NOS1AP: variants seen among roughly 807,000 people sequenced by gnomAD.
The protein encoded by NOS1AP is nitric oxide synthase 1 adaptor protein.
In NOS1AP, 21 loss-of-function variants were observed where a neutral mutation model predicts 56.2. The observed-to-expected ratio is 0.37, with a 90% CI of 0.26 to 0.54. The LOEUF (loss-of-function observed/expected upper bound fraction) is 0.54. NOS1AP is among the 20% of genes least tolerant of loss of function. NOS1AP has a pLI of 0.84. For missense variants in NOS1AP, 522 were observed against 657.8 expected (o/e 0.79, Z 2.26); for synonymous variants, 270 against 274.6 (o/e 0.98, Z 0.17).
At position 162,256,812 on chromosome 1, in the gene NOS1AP, G is replaced by A. The variant is rs141004370; in HGVS notation, c.178-30532G>A. On this transcript the variant is annotated intron_variant, in intron 2 of 9. Transcript: ENST00000361897. ...ATCTGAGTTTTGAAATGCCAGGGAC[G>A]CCTTTTTTTTGTTTATTTCTGGTCA... Among the ~76,000 whole-genome samples the A allele has an allele frequency of 1.6e-3, 240 of 152,238 alleles. 1 individual carries two copies. Among genetic ancestry groups the A allele is most frequent in the Non-Finnish European group, 2.5e-3 (168 of 68,012 alleles).
chr1:162,170,007 G>A (rs758141128), intron 2 of NOS1AP, among the ~76,000 whole-genome samples: 3 of 152,052 alleles, frequency 2.0e-5, no homozygotes, highest in African/African-American at 4.8e-5. Context: ...CCTTTGCTAC[G>A]AAATCTTCCC....
At chr1:162,228,988 G>T (rs1366568819) in intron 2 of NOS1AP, among the ~76,000 whole-genome samples, 1 of 152,182 alleles carries the variant, frequency 6.6e-6, no homozygotes, top group Non-Finnish European at 1.5e-5. Context: ...GGAGAAATTT[G>T]CCAGAGAACT....
chr1:162,366,077 C>T (rs1269237371), intron 9 of NOS1AP, among the ~76,000 whole-genome samples: 4 of 152,174 alleles, frequency 2.6e-5, no homozygotes, highest in African/African-American at 9.7e-5. Flanking sequence ...TGGAATCTGG[C>T]TGCACTGCTC....
chr1:162,311,133 C>G (rs1295982724), intron 4 of NOS1AP, among the ~76,000 whole-genome samples: 3 of 152,118 alleles, frequency 2.0e-5, no homozygotes, highest in Non-Finnish European at 4.4e-5. Context: ...TCCTCATGGC[C>G]TGGCCTTGCT....
intron 1 of NOS1AP, among the ~76,000 whole-genome samples, chr1:162,145,930 C>T (rs1649447545): frequency 6.6e-6 from 1 of 152,164 alleles, no homozygotes; most frequent in South Asian, 2.1e-4. Context: ...AGACTAGAAG[C>T]CAGGAGCTTG....
Position 162,155,304 on chromosome 1 carries a change from G to A in NOS1AP, c.177+828G>A, listed in dbSNP as rs536056426. Among the ~76,000 whole-genome samples the A allele has an allele frequency of 1.3e-4, 18 of 143,168 alleles. 2 individuals are homozygous for A. The East Asian group carries it at 1.8e-3, about 15-fold the overall frequency. The allele number at this position is 143,168 out of a possible 152,430, so 93.9% of individuals were successfully genotyped here. A position where few individuals can be genotyped will look rare whatever the true frequency, so the allele number is the denominator to read the frequency against. On this transcript the variant is annotated intron_variant, in intron 2 of 9. Coordinates refer to ENST00000361897, the MANE Select transcript of NOS1AP (RefSeq NM_014697.3). ...CACATATATACATATATATGTATAT[G>A]TATGTGTATATATATATGTATGTGT...
intron 4 of NOS1AP, among the ~76,000 whole-genome samples, chr1:162,324,388 G>A: frequency 7.8e-6 from 1 of 128,926 alleles, no homozygotes; most frequent in Non-Finnish European, 1.7e-5. Context: ...AAGGATTTTT[G>A]TGTAGTGGTT....
chr1:162,134,433 C>A (rs1648891333), intron 1 of NOS1AP, among the ~76,000 whole-genome samples: 1 of 144,310 alleles, frequency 6.9e-6, no homozygotes, highest in Admixed American at 7.2e-5. Flanking sequence ...TTGTACTGAG[C>A]TGAGATCACA....
intron 2 of NOS1AP, among the ~76,000 whole-genome samples, chr1:162,248,801 G>A (rs1423763216): frequency 6.6e-6 from 1 of 152,062 alleles, no homozygotes; most frequent in African/African-American, 2.4e-5. Context: ...ATTTCCTTTG[G>A]AGATTAGAGG....
chr1:162,271,276 G>GA (rs1654576622), intron 2 of NOS1AP, among the ~76,000 whole-genome samples: 2 of 147,568 alleles, frequency 1.4e-5, no homozygotes, highest in Admixed American at 1.4e-4. Context: ...GGAGTCCAGC[G>GA]ATGGTACCCC....
At chr1:162,095,003 G>A (rs1444522779) in intron 1 of NOS1AP, among the ~76,000 whole-genome samples, 2 of 152,206 alleles carry the variant, frequency 1.3e-5, no homozygotes, top group African/African-American at 4.8e-5. Context: ...TATGGGTTCT[G>A]CAGGGATTTT....
intron 1 of NOS1AP, among the ~76,000 whole-genome samples, chr1:162,149,115 C>T (rs1649599511): frequency 6.6e-6 from 1 of 152,320 alleles, no homozygotes; most frequent in East Asian, 1.9e-4. Flanking sequence ...GCCAACCCAG[C>T]TCCATTGCCC....
At chr1:162,323,213 G>A (rs924685301) in intron 4 of NOS1AP, among the ~76,000 whole-genome samples, 14 of 152,218 alleles carry the variant, frequency 9.2e-5, no homozygotes, top group Non-Finnish European at 1.6e-4. Context: ...GGAAGGCAGC[G>A]GGAGCAGACT....
Position 162,354,832 on chromosome 1 carries a change from A to G in NOS1AP, c.596-355A>G, listed in dbSNP as rs139112565. Among the ~76,000 whole-genome samples the G allele has an allele frequency of 7.8e-3, 1,188 of 152,340 alleles. 6 individuals are homozygous for G. The highest frequency in any genetic ancestry group is 0.027 in the Middle Eastern group (8 of 294). On this transcript the variant is annotated intron_variant, in intron 6 of 9. Transcript: ENST00000361897. ...CTCCTCATTTCTGGACCCCCGGGCC[A>G]GGGCCCTTTCCCTTGACTGCTTCCG...
At chr1:162,311,249 A>G (rs1191369518) in intron 4 of NOS1AP, among the ~76,000 whole-genome samples, 1 of 152,172 alleles carries the variant, frequency 6.6e-6, no homozygotes, top group Non-Finnish European at 1.5e-5. Flanking sequence ...GTTGCCCTGC[A>G]GTATCATCTA....
intron 2 of NOS1AP, among the ~76,000 whole-genome samples, chr1:162,286,953 C>A (rs1466919633): frequency 6.6e-6 from 1 of 152,138 alleles, no homozygotes; most frequent in Non-Finnish European, 1.5e-5. Flanking sequence ...AGCTGTTAGT[C>A]TTTGCTGAGG....
Position 162,167,686 on chromosome 1 carries a change from C to T in NOS1AP, c.177+13210C>T, listed in dbSNP as rs116269263. Among the ~76,000 whole-genome samples, 238 of 152,334 alleles carry T rather than the reference C, an allele frequency of 1.6e-3. 1 individual carries two copies. The highest frequency in any genetic ancestry group is 2.5e-3 in the Non-Finnish European group (167 of 68,036). On this transcript the variant is annotated intron_variant, in intron 2 of 9. Transcript: ENST00000361897. ...CTATCTGAGGGGGTCTCTCCCGAGC[C>T]GCTAAGACATAGTCCTCATTCATAT...
chr1:162,245,148 C>T (rs1653621049), intron 2 of NOS1AP, among the ~76,000 whole-genome samples: 1 of 152,044 alleles, frequency 6.6e-6, no homozygotes, highest in African/African-American at 2.4e-5. Flanking sequence ...TGCCTAAGGA[C>T]TTGTATTCAG....
In NOS1AP at chr1:162,352,968, A is replaced by G. The variant is rs141091204; in HGVS notation, c.596-2219A>G. On this transcript the variant is annotated intron_variant, in intron 6 of 9. Transcript: ENST00000361897. Reference sequence around the variant, plus strand: ...ATCCTGCTTCTCCTGGATTTTTCCTATAGGATGCCATTCTCCATTCAGTCA... The same window carrying G: ...ATCCTGCTTCTCCTGGATTTTTCCTGTAGGATGCCATTCTCCATTCAGTCA... Among the ~76,000 whole-genome samples, 10 of 152,200 alleles carry G rather than the reference A, an allele frequency of 6.6e-5. No homozygotes were observed. The East Asian group carries it at 1.5e-3, about 24-fold the overall frequency.
Sources: allele counts gnomAD v4.1 joint callset (sites outside exome capture counted in the v4.1 genomes callset), GRCh38; gene constraint gnomAD v4.1.1; transcripts MANE v1.5; gene names NCBI Gene and HGNC (gene_info 2026-07-23, HGNC 2026-07-21).